Variants in FSHR observed in about 807,000 individuals in gnomAD.
FSHR encodes the protein follicle-stimulating hormone receptor.
Under a neutral mutation model 52.1 loss-of-function variants are expected in FSHR, and 46 were observed. That is an observed-to-expected ratio of 0.88 (90% CI 0.70 to 1.13). The LOEUF is 1.13. Among genes scored for constraint, FSHR ranks in the 50% most tolerant of loss-of-function variants. FSHR has a pLI of 0.00. For synonymous variants in FSHR, 399 were observed against 309.6 expected (o/e 1.29, Z -3.03); for missense variants, 964 against 834.6 (o/e 1.16, Z -1.91).
chr2:49,005,981 G>A (rs1215080401), intron 4 of FSHR, among the ~76,000 whole-genome samples: 1 of 152,088 alleles, frequency 6.6e-6, no homozygotes, highest in Non-Finnish European at 1.5e-5. Context: ...AAAGCAGGCA[G>A]AAAAAACGTG....
rs924868331 is a variant in FSHR, at chr2:49,033,967, C to T, written c.225-13807G>A. The stretch of plus-strand genomic sequence containing the variant: ...TGGATATCAATGGGCTTTAGGTCCT[C>T]AGCCACTGAAGGAAAAGATGAAGTG... On this transcript the variant is annotated intron_variant, in intron 2 of 9. Coordinates refer to ENST00000406846, the MANE Select transcript of FSHR (RefSeq NM_000145.4). 2.6e-5 allele frequency among the ~76,000 whole-genome samples: 4 copies of T among 152,194 alleles called. No homozygotes were observed. In the South Asian group the frequency reaches 8.3e-4, roughly 32 times the overall value.
At chr2:49,006,325 C>T (rs1284487261) in intron 4 of FSHR, among the ~76,000 whole-genome samples, 1 of 152,098 alleles carries the variant, frequency 6.6e-6, no homozygotes, top group Non-Finnish European at 1.5e-5. Context: ...TGTCACTCTG[C>T]TGCTCAAGAA....
chr2:48,976,485 A>G (rs1290123042), intron 8 of FSHR, among the ~76,000 whole-genome samples: 1 of 152,196 alleles, frequency 6.6e-6, no homozygotes, highest in Non-Finnish European at 1.5e-5. Flanking sequence ...TATCAGGATG[A>G]TGCTGCCTCA....
intron 1 of FSHR, among the ~76,000 whole-genome samples, chr2:49,103,881 G>A (rs1158141014): frequency 1.3e-5 from 2 of 151,910 alleles, no homozygotes; most frequent in Non-Finnish European, 2.9e-5. Flanking sequence ...GACAACAGGT[G>A]CTTTGTTTGG....
Position 48,963,938 on chromosome 2 carries a change from A to G in FSHR, c.883T>C (p.Ser295Pro), listed in dbSNP as rs1024473065. The G allele has an allele frequency of 2.5e-6, 4 of 1,613,502 alleles. No homozygotes were observed. In the South Asian group the frequency reaches 3.3e-5, roughly 13 times the overall value. Residue 295 changes from serine (S) to proline (P), a missense_variant, in exon 10 of 10, where the codon TCT becomes CCT. Coordinates refer to ENST00000406846, the MANE Select transcript of FSHR (RefSeq NM_000145.4). ...ISELHPICNK[S>P]ILRQEVDYMT... ...TAATCAACTTCTTGCCTTAAAATAG[A>G]TTTGTTGCAAATTGGATGAAGCTCA...
chr2:49,049,712 G>A (rs537443885), intron 2 of FSHR, among the ~76,000 whole-genome samples: 7 of 152,080 alleles, frequency 4.6e-5, no homozygotes, highest in South Asian at 2.1e-4. Flanking sequence ...TGGATAAAGC[G>A]TAAGTGACTG....
At chr2:49,051,191 T>C (rs1572681296) in intron 2 of FSHR, among the ~76,000 whole-genome samples, 1 of 152,150 alleles carries the variant, frequency 6.6e-6, no homozygotes, top group Admixed American at 6.5e-5. Context: ...AAATCTGTTA[T>C]GAACATTCTT....
At chr2:49,007,899 G>T (rs897474418) in intron 4 of FSHR, among the ~76,000 whole-genome samples, 3 of 151,944 alleles carry the variant, frequency 2.0e-5, no homozygotes, top group Non-Finnish European at 2.9e-5. Context: ...TTAAGCAGAG[G>T]AGAGAGCTGA....
In FSHR at chr2:49,005,012, C is replaced by T. The variant is rs1393735366; in HGVS notation, c.374+12477G>A. Among the ~76,000 whole-genome samples the T allele has an allele frequency of 2.6e-5, 4 of 152,120 alleles. No individual in the cohort carries two copies. The East Asian group carries it at 7.7e-4, about 29-fold the overall frequency. On this transcript the variant is annotated intron_variant, in intron 4 of 9. Transcript: ENST00000406846. ...TCCCCCGTCATGGAGTCCATCACTA[C>T]CAACTCTTGAGTTTAGCATTACCTT...
intron 5 of FSHR, among the ~76,000 whole-genome samples, chr2:48,989,908 A>G (rs1330327019): frequency 6.6e-6 from 1 of 152,172 alleles, no homozygotes; most frequent in African/African-American, 2.4e-5. Flanking sequence ...CAAGTAGTGT[A>G]GTAAACAGCT....
At chr2:49,078,817 G>T (rs1452107986) in intron 1 of FSHR, among the ~76,000 whole-genome samples, 1 of 152,120 alleles carries the variant, frequency 6.6e-6, no homozygotes, top group East Asian at 1.9e-4. Flanking sequence ...ATGAGACAAT[G>T]ATGCTGTTAC....
chr2:48,979,113 G>A (rs1241417606), intron 8 of FSHR, among the ~76,000 whole-genome samples: 2 of 151,352 alleles, frequency 1.3e-5, no homozygotes, highest in Non-Finnish European at 2.9e-5. Context: ...AGAGATACAA[G>A]TTATCAGGCC....
At chr2:49,005,733 C>A (rs891401495) in intron 4 of FSHR, among the ~76,000 whole-genome samples, 5 of 152,170 alleles carry the variant, frequency 3.3e-5, no homozygotes, top group African/African-American at 9.6e-5. Context: ...TGAACCATGC[C>A]TTTCTATCCC....
At chr2:49,034,188 C>A (rs1291818738) in intron 2 of FSHR, among the ~76,000 whole-genome samples, 1 of 152,172 alleles carries the variant, frequency 6.6e-6, no homozygotes, top group Non-Finnish European at 1.5e-5. Context: ...CCTTCCTCTC[C>A]CCTTCCCCAG....
At chr2:49,081,445 C>T (rs986271210) in intron 1 of FSHR, among the ~76,000 whole-genome samples, 1 of 152,130 alleles carries the variant, frequency 6.6e-6, no homozygotes, top group Non-Finnish European at 1.5e-5. Flanking sequence ...CTCTATACTT[C>T]ATGCTTGAAA....
At chr2:49,007,012 C>T (rs1667096266) in intron 4 of FSHR, among the ~76,000 whole-genome samples, 1 of 152,046 alleles carries the variant, frequency 6.6e-6, no homozygotes, top group Admixed American at 6.6e-5. Context: ...CTGGAGTGTA[C>T]TATGACCTCA....
intron 1 of FSHR, among the ~76,000 whole-genome samples, chr2:49,140,856 A>T (rs995002550): frequency 6.6e-6 from 1 of 152,162 alleles, no homozygotes; most frequent in Admixed American, 6.5e-5. Flanking sequence ...TAATTCAGTG[A>T]GGAGCATTTA....
chr2:49,081,489 C>T (rs1286501399), intron 1 of FSHR, among the ~76,000 whole-genome samples: 1 of 152,164 alleles, frequency 6.6e-6, no homozygotes, highest in Non-Finnish European at 1.5e-5. Flanking sequence ...TTGAAATTCT[C>T]ACCAGGGCAT....
chr2:49,134,153 T>A (rs1672400411), intron 1 of FSHR, among the ~76,000 whole-genome samples: 1 of 152,034 alleles, frequency 6.6e-6, no homozygotes, highest in African/African-American at 2.4e-5. Context: ...GGGAGAAAAT[T>A]TTTACAATCT....
Sources: allele counts gnomAD v4.1 joint callset (sites outside exome capture counted in the v4.1 genomes callset), GRCh38; gene constraint gnomAD v4.1.1; transcripts MANE v1.5; gene names NCBI Gene and HGNC (gene_info 2026-07-23, HGNC 2026-07-21).